CERT1: variants seen among roughly 807,000 people sequenced by gnomAD.
The protein encoded by CERT1 is ceramide transfer protein.
CERT1 carries 31 observed loss-of-function variants against 87.9 expected under a neutral mutation model. That is an observed-to-expected ratio of 0.35 (90% confidence interval 0.27 to 0.48). CERT1 has a LOEUF of 0.48. Among genes scored for constraint, CERT1 ranks in the 20% least tolerant of loss-of-function variants. CERT1 has a pLI of 0.99. For missense variants in CERT1, 487 were observed against 758.0 expected, an observed-to-expected ratio of 0.64 and a Z score of 4.20; for synonymous variants, 289 against 250.9, an observed-to-expected ratio of 1.15 and a Z score of -1.44.
At chr5:75,406,417 G>A (rs1000055722) in intron 8 of CERT1, among the ~76,000 whole-genome samples, 14 of 152,196 alleles carry the variant, frequency 9.2e-5, no homozygotes, top group African/African-American at 3.4e-4. Flanking sequence ...CATACATTAT[G>A]ATAACTGTCT....
intron 3 of CERT1, among the ~76,000 whole-genome samples, chr5:75,456,644 T>TGAC (rs971926207): frequency 2.6e-5 from 3 of 113,234 alleles, no homozygotes; most frequent in Non-Finnish European, 5.0e-5. Flanking sequence ...CCATGCTGGG[T>TGAC]GACAAAGTGA....
intron 12 of CERT1, among the ~76,000 whole-genome samples, chr5:75,386,936 C>T (rs1349353412): frequency 6.6e-6 from 1 of 152,124 alleles, no homozygotes; most frequent in South Asian, 2.1e-4. Flanking sequence ...GGCGCCGTCT[C>T]GGCTCACTGC....
chr5:75,510,265 C>T (rs1767873659), intron 1 of CERT1, among the ~76,000 whole-genome samples: 1 of 151,912 alleles, frequency 6.6e-6, no homozygotes, highest in Admixed American at 6.6e-5. Context: ...AAAAAGGCTA[C>T]GTGAATCTTC....
chr5:75,409,549 C>T (rs547137936), intron 8 of CERT1, among the ~76,000 whole-genome samples: 6 of 151,878 alleles, frequency 4.0e-5, no homozygotes, highest in African/African-American at 7.2e-5. Flanking sequence ...TTTTTTGAGA[C>T]GGAGTCTCGC....
At chr5:75,412,334 T>C (rs1394757943) in intron 7 of CERT1, among the ~76,000 whole-genome samples, 1 of 152,188 alleles carries the variant, frequency 6.6e-6, no homozygotes, top group Non-Finnish European at 1.5e-5. Context: ...AAACCAGGAT[T>C]CATGGTCACT....
chr5:75,473,637 G>A (rs750273215), intron 2 of CERT1, among the ~76,000 whole-genome samples: 16 of 152,088 alleles, frequency 1.1e-4, no homozygotes, highest in Non-Finnish European at 2.2e-4. Context: ...TTAGATAGGA[G>A]GATTAAGTTT....
At chr5:75,428,773 A>C (rs1445333093) in intron 3 of CERT1, among the ~76,000 whole-genome samples, 1 of 151,732 alleles carries the variant, frequency 6.6e-6, no homozygotes, top group Non-Finnish European at 1.5e-5. Context: ...TTTAAAACCA[A>C]ACTGTTAATT....
intron 2 of CERT1, among the ~76,000 whole-genome samples, chr5:75,503,075 C>T (rs1767459679): frequency 6.6e-6 from 1 of 152,026 alleles, no homozygotes; most frequent in South Asian, 2.1e-4. Context: ...GAAATTATTT[C>T]ACCCACTTTA....
intron 8 of CERT1, among the ~76,000 whole-genome samples, chr5:75,407,142 C>T (rs751440768): frequency 5.1e-4 from 77 of 152,000 alleles, no homozygotes; most frequent in Non-Finnish European, 8.7e-4. Flanking sequence ...TTAGAGTACC[C>T]TTAACCAGTT....
chr5:75,486,088 G>T (rs751113368), intron 2 of CERT1, among the ~76,000 whole-genome samples: 6 of 152,022 alleles, frequency 3.9e-5, no homozygotes, highest in Non-Finnish European at 8.8e-5. Context: ...GGCGAACATT[G>T]ATACAAAAAT....
intron 2 of CERT1, among the ~76,000 whole-genome samples, chr5:75,490,672 A>G (rs1204532083): frequency 2.6e-5 from 4 of 151,322 alleles, no homozygotes; most frequent in Admixed American, 6.6e-5. Context: ...CTAATTTTTT[A>G]TATCTTTAGT....
At chr5:75,485,869 A>G (rs1475037044) in intron 2 of CERT1, among the ~76,000 whole-genome samples, 1 of 152,146 alleles carries the variant, frequency 6.6e-6, no homozygotes, top group Non-Finnish European at 1.5e-5. Flanking sequence ...TGTAATAAAA[A>G]GTCTCAGCAA....
intron 5 of CERT1, among the ~76,000 whole-genome samples, chr5:75,422,751 T>C (rs1763441497): frequency 6.6e-6 from 1 of 152,202 alleles, no homozygotes; most frequent in Non-Finnish European, 1.5e-5. Context: ...CCTTAGAATA[T>C]GGCTGTTATT....
intron 5 of CERT1, among the ~76,000 whole-genome samples, chr5:75,421,251 C>CT (rs929159046): frequency 1.4e-4 from 22 of 152,136 alleles, no homozygotes; most frequent in Admixed American, 3.3e-4. Context: ...TCTTAGCTGT[C>CT]TTTTTTATGG....
rs190927036 is a variant in CERT1 at position 75,482,180 on chromosome 5, T to C, written c.232-22999A>G. Among the ~76,000 whole-genome samples the C allele has an allele frequency of 2.4e-3, 366 of 152,240 alleles. 9 individuals carry two copies. Among genetic ancestry groups the C allele is most frequent in the Admixed American group, 0.022 (331 of 15,294 alleles). ...AGCCCTGGGCCAGAAGGGAGCTCGC[T>C]ACCCTAAAAGGAGAGACCCAGGCCT... On this transcript the variant is annotated intron_variant, in intron 2 of 16. Coordinates refer to ENST00000643780, the MANE Select transcript of CERT1 (RefSeq NM_001379029.1).
At chr5:75,472,451 A>G (rs531225825) in intron 2 of CERT1, among the ~76,000 whole-genome samples, 12 of 152,336 alleles carry the variant, frequency 7.9e-5, no homozygotes, top group African/African-American at 2.2e-4. Flanking sequence ...AAGCTTCTGC[A>G]CAGCAAAAGA....
downstream of CERT1, chr5:75,376,381 T>A (rs1256974925): frequency 6.6e-6 from 1 of 152,114 alleles, no homozygotes; most frequent in East Asian, 1.9e-4. Context: ...GAGGTCATAG[T>A]GAAGAAGAGA....
chr5:75,464,798 G>A (rs942184616), intron 2 of CERT1, among the ~76,000 whole-genome samples: 10 of 152,030 alleles, frequency 6.6e-5, no homozygotes, highest in African/African-American at 1.7e-4. Flanking sequence ...CCCTGGTCTC[G>A]AGCTCCTGGA....
chr5:75,458,248 A>G (rs980666963), intron 3 of CERT1, among the ~76,000 whole-genome samples: 1 of 152,170 alleles, frequency 6.6e-6, no homozygotes, highest in Admixed American at 6.5e-5. Context: ...AGCTTAAATT[A>G]TATGAATGTA....
Sources: gnomAD v4.1 joint callset for allele counts (sites outside exome capture counted in the v4.1 genomes callset) on GRCh38, gnomAD v4.1.1 for gene constraint, MANE v1.5 for transcripts, NCBI Gene and HGNC (gene_info 2026-07-23, HGNC 2026-07-21) for gene names.